The following AHCTF1 variants were observed in gnomAD, a reference collection of about 807,000 sequenced individuals.
AHCTF1 encodes the protein AT-hook containing transcription factor 1, also known as protein ELYS.
A neutral mutation model predicts 248.4 loss-of-function variants in AHCTF1; 24 were observed. The ratio of observed to expected loss-of-function variants is 0.10; its 90% CI spans 0.07 to 0.14. The LOEUF (loss-of-function observed/expected upper bound fraction) is 0.14. AHCTF1 is among the 10% of genes least tolerant of loss of function. The pLI, the probability that AHCTF1 is intolerant of heterozygous loss-of-function variation, is 1.00. For synonymous variants in AHCTF1, 786 were observed against 929.8 expected (o/e 0.85, Z 2.81); for missense variants, 2,206 against 2,636.2 (o/e 0.84, Z 3.57).
At chr1:246,909,968 TTGA>T (rs936434418) in intron 4 of AHCTF1, among the ~76,000 whole-genome samples, 7 of 152,202 alleles carry the variant, frequency 4.6e-5, no homozygotes, top group African/African-American at 1.7e-4. Flanking sequence ...TAGTTTAAAG[TTGA>T]TGACAGACTT....
intron 7 of AHCTF1, among the ~76,000 whole-genome samples, 168 bp downstream of exon 7, chr1:246,903,781 T>C (rs568068241): frequency 9.1e-4 from 133 of 145,420 alleles, no homozygotes; most frequent in Middle Eastern, 3.7e-3. Context: ...GAGGTTGCAG[T>C]GAGCCAAGAT....
chr1:246,839,760 T>C lies in AHCTF1; in HGVS notation c.*1046A>G, dbSNP rs1345328235. On this transcript the variant is annotated 3_prime_UTR_variant, in exon 36 of 36. Transcript: ENST00000648844. ...TATCGATTACCTGTTATAAATTATT[T>C]TACAACACTTATTTATTGATGAGTG... 1 of 159,086 alleles carries C rather than the reference T, an allele frequency of 6.3e-6. No homozygotes were observed. Among genetic ancestry groups the C allele is most frequent in the African/African-American group, 2.4e-5 (1 of 41,566 alleles). The allele number at this position is 159,086 out of a possible 1,614,324, so 9.9% of individuals were successfully genotyped here. A position where few individuals can be genotyped will look rare whatever the true frequency, so the allele number is the denominator to read the frequency against.
intron 33 of AHCTF1, among the ~76,000 whole-genome samples, chr1:246,847,306 CAAA>C (rs58227848): frequency 2.0e-5 from 3 of 146,756 alleles, no homozygotes; most frequent in African/African-American, 7.8e-5. Flanking sequence ...AAAAAACAAA[CAAA>C]AAAAAAACTG....
chr1:246,892,002 C>T (rs2103141671), intron 14 of AHCTF1, 83 bp from the exon 15 acceptor site: 1 of 1,358,548 alleles, frequency 7.4e-7, no homozygotes. Flanking sequence ...TCTCAAACTC[C>T]TATCACTCAA....
At chr1:246,885,365 AC>A in intron 21 of AHCTF1, 127 bp downstream of exon 21, 1 of 695,714 alleles carries the variant, frequency 1.4e-6, no homozygotes, top group Non-Finnish European at 2.3e-6. Context: ...TTGATGCAGA[AC>A]CCACTAATAC....
chr1:246,929,630 T>C (rs1558290171), intron 1 of AHCTF1, among the ~76,000 whole-genome samples: 1 of 152,178 alleles, frequency 6.6e-6, no homozygotes, highest in Non-Finnish European at 1.5e-5. Context: ...GGATAGACAG[T>C]AGCATATACT....
At chr1:246,884,356 T>C (rs1413934869) in intron 21 of AHCTF1, among the ~76,000 whole-genome samples, 1 of 152,192 alleles carries the variant, frequency 6.6e-6, no homozygotes, top group East Asian at 1.9e-4. Flanking sequence ...TTTGTAGATC[T>C]TACCCTCTTA....
chr1:246,877,387 G>T, intron 21 of AHCTF1, 85 bp from the exon 22 acceptor site: 2 of 1,374,312 alleles, frequency 1.5e-6, no homozygotes, highest in Non-Finnish European at 1.9e-6. Context: ...GAATTTCAAA[G>T]ATACTTTGTA....
At position 246,849,516 on chromosome 1, in the gene AHCTF1, G is replaced by T. The variant is rs146002900; in HGVS notation, c.6391+99C>A. On this transcript the variant is annotated intron_variant, in intron 33 of 35. Transcript: ENST00000648844. Reference sequence around the variant, plus strand: ...TCAATTTTGGTTTGAGGGGGGAAGGGGAAAAATTCCCTATAAAACCATTTT... The same window carrying T: ...TCAATTTTGGTTTGAGGGGGGAAGGTGAAAAATTCCCTATAAAACCATTTT... The T allele has an allele frequency of 1.0e-4, 154 of 1,469,830 alleles. No individual in the cohort carries two copies. The East Asian group carries it at 2.3e-3, about 22-fold the overall frequency. 91.0% of individuals were successfully genotyped at this position (1,469,830 alleles called of 1,614,324 possible).
chr1:246,848,483 G>A (rs1660451346), intron 33 of AHCTF1, among the ~76,000 whole-genome samples: 1 of 151,766 alleles, frequency 6.6e-6, no homozygotes, highest in Non-Finnish European at 1.5e-5. Context: ...TTACAGGCGT[G>A]AGCCACCGTG....
chr1:246,901,613 C>CA (rs1023192956), intron 8 of AHCTF1, among the ~76,000 whole-genome samples: 7 of 150,712 alleles, frequency 4.6e-5, no homozygotes, highest in African/African-American at 9.7e-5. Context: ...GACTCCATCT[C>CA]AAAAAAACAA....
At chr1:246,925,017 C>G (rs987538121) in intron 1 of AHCTF1, among the ~76,000 whole-genome samples, 13 of 152,154 alleles carry the variant, frequency 8.5e-5, no homozygotes, top group Non-Finnish European at 1.5e-4. Context: ...TTTAGAGAAA[C>G]AGATGGAAAA....
chr1:246,862,166 G>T lies in AHCTF1; in HGVS notation c.3541-13C>A. Reference sequence around the variant, plus strand: ...AACTTTTAGCTTTCTATAGTAAAGAGCAAATGGAATTACACCATTAAAAGT... The same window carrying T: ...AACTTTTAGCTTTCTATAGTAAAGATCAAATGGAATTACACCATTAAAAGT... On this transcript the variant is annotated splice_polypyrimidine_tract_variant and intron_variant, in intron 27 of 35. Transcript: ENST00000648844. 5.6e-6 allele frequency: 9 copies of T among 1,602,754 alleles called. No individual in the cohort carries two copies. Among genetic ancestry groups the T allele is most frequent in the Non-Finnish European group, 7.7e-6 (9 of 1,174,596 alleles).
intron 19 of AHCTF1, among the ~76,000 whole-genome samples, chr1:246,887,799 T>C (rs1307850592): frequency 6.6e-6 from 1 of 152,208 alleles, no homozygotes; most frequent in Non-Finnish European, 1.5e-5. Flanking sequence ...ACTCAAATAA[T>C]GCCTAAGGTA....
rs758280312 is a variant in AHCTF1, at chr1:246,900,199, A to C, written c.1298T>G (p.Leu433Trp). The change falls in exon 10 of 36, where the codon TTG (leucine) becomes TGG (tryptophan). Residue 433 changes from leucine (L) to tryptophan (W), a missense_variant. By Grantham distance (61) the Leu-to-Trp change is moderately conservative (BLOSUM62 -2). Transcript: ENST00000648844. The stretch of plus-strand genomic sequence containing the variant: ...AGAAGTCCTACTTACAACAGACTCC[A>C]ATGACCACAGTGCAAAATAAGAGCA... ...HNCSYFALWS[L>W]ESVVSRTSPH... 12 of 1,603,698 alleles carry C rather than the reference A, an allele frequency of 7.5e-6. No homozygotes were observed. The highest frequency in any genetic ancestry group is 1.0e-5 in the Non-Finnish European group (12 of 1,177,302).
intron 29 of AHCTF1, among the ~76,000 whole-genome samples, chr1:246,860,273 TTAAA>T (rs1427327890): frequency 4.6e-5 from 7 of 152,040 alleles, no homozygotes; most frequent in South Asian, 2.1e-4. Flanking sequence ...GTCTCAAAAA[TTAAA>T]TAAATAAAAA....
intron 26 of AHCTF1, 120 bp from the exon 27 acceptor site, chr1:246,864,236 G>A: frequency 2.0e-6 from 2 of 977,254 alleles, no homozygotes; most frequent in South Asian, 1.8e-5. Flanking sequence ...ATACAGTCAA[G>A]TATATTAATG....
intron 3 of AHCTF1, 80 bp downstream of exon 3, chr1:246,916,062 T>A (rs1317043537): frequency 6.7e-7 from 1 of 1,486,324 alleles, no homozygotes; most frequent in Non-Finnish European, 9.0e-7. Flanking sequence ...CAGTGAAATT[T>A]CAAAAAGTAA....
At chr1:246,930,929 A>C (rs1182206803) in intron 1 of AHCTF1, among the ~76,000 whole-genome samples, 1 of 152,154 alleles carries the variant, frequency 6.6e-6, no homozygotes, top group Non-Finnish European at 1.5e-5. Context: ...AAATTTCCCC[A>C]TCTCTCAAAA....
Sources: allele counts gnomAD v4.1 joint callset (sites outside exome capture counted in the v4.1 genomes callset), GRCh38; gene constraint gnomAD v4.1.1; transcripts MANE v1.5; gene names NCBI Gene and HGNC (gene_info 2026-07-23, HGNC 2026-07-21).